Variants in BRIP1 observed in about 807,000 individuals in gnomAD.
The protein encoded by BRIP1 is Fanconi anemia group J protein.
In BRIP1, 88 loss-of-function variants were observed where a neutral mutation model predicts 119.7. That is an observed-to-expected ratio of 0.74 (90% CI 0.62 to 0.88). The LOEUF (loss-of-function observed/expected upper bound fraction) is 0.88. BRIP1 is among the 40% of genes least tolerant of loss of function. BRIP1 has a pLI of 0.00. For synonymous variants in BRIP1, 443 were observed against 496.5 expected, an observed-to-expected ratio of 0.89 and a Z score of 1.43; for missense variants, 1,259 against 1,455.4, an observed-to-expected ratio of 0.87 and a Z score of 2.20.
At chr17:61,785,935 G>GC (rs1320878144) in intron 10 of BRIP1, among the ~76,000 whole-genome samples, 2 of 151,192 alleles carry the variant, frequency 1.3e-5, no homozygotes, top group Non-Finnish European at 2.9e-5. Flanking sequence ...GGTTGGGGGG[G>GC]GTAGAAAAAT....
At position 61,825,622 on chromosome 17, in the gene BRIP1, CAAATAAATAAAT is replaced by C. The variant is rs3034667; in HGVS notation, c.628-16877_628-16866del. Reference sequence around the variant, plus strand: ...AATGCAATCCCATTCACAATTGCCACAAATAAATAAATAAATAAATAAATAAATAAATAAATA... The same window carrying C: ...AATGCAATCCCATTCACAATTGCCACAAATAAATAAATAAATAAATAAATA... On this transcript the variant is annotated intron_variant, in intron 6 of 19. Transcript: ENST00000259008. The surrounding 1 kb of genome is among the most constrained non-coding windows in gnomAD (Gnocchi z 4.1). Among the ~76,000 whole-genome samples, 111 of 143,398 alleles carry C rather than the reference CAAATAAATAAAT, an allele frequency of 7.7e-4. No homozygotes were observed. Among genetic ancestry groups the C allele is most frequent in the Middle Eastern group, 7.1e-3 (2 of 282 alleles). The allele number at this position is 143,398 out of a possible 152,430, so 94.1% of individuals were successfully genotyped here.
In BRIP1 at chr17:61,794,839, A is replaced by C. The variant is rs1343958977; in HGVS notation, c.1341-1110T>G. On this transcript the variant is annotated intron_variant, in intron 9 of 19. Coordinates refer to ENST00000259008, the MANE Select transcript of BRIP1 (RefSeq NM_032043.3). This position sits in a 1 kb window ranked among gnomAD's most constrained non-coding sequence, Gnocchi z 4.3. The stretch of plus-strand genomic sequence containing the variant: ...AGGTGACATTTATTCTAATAACTGA[A>C]TGCAAAAAGTATCCAGTCATGGGAG... 2.8e-5 allele frequency among the ~76,000 whole-genome samples: 4 copies of C among 143,566 alleles called. No individual in the cohort carries two copies. The highest frequency in any genetic ancestry group is 3.0e-5 in the Non-Finnish European group (2 of 66,190). The allele number at this position is 143,566 out of a possible 152,430, so 94.2% of individuals were successfully genotyped here.
In BRIP1 at chr17:61,775,493, G is replaced by A. The variant is rs1006080844; in HGVS notation, c.2097+908C>T. On this transcript the variant is annotated intron_variant, in intron 14 of 19. Transcript: ENST00000259008. The surrounding 1 kb of genome is among the most constrained non-coding windows in gnomAD (Gnocchi z 4.4). ...TCCTGTGGAAAAAAGAGAAGGGAACGCCACTTCTCTACATTGGATTTAGGT... is the reference window on the plus strand; with the variant it reads ...TCCTGTGGAAAAAAGAGAAGGGAACACCACTTCTCTACATTGGATTTAGGT... Among the ~76,000 whole-genome samples the A allele has an allele frequency of 1.3e-5, 2 of 152,126 alleles. No homozygotes were observed. The highest frequency in any genetic ancestry group is 4.8e-5 in the African/African-American group (2 of 41,442).
chr17:61,818,747 T>A lies in BRIP1; in HGVS notation c.628-9990A>T, dbSNP rs570320510. 9.2e-5 allele frequency among the ~76,000 whole-genome samples: 14 copies of A among 152,222 alleles called. No individual in the cohort carries two copies. The South Asian group carries it at 2.7e-3, about 29-fold the overall frequency. On this transcript the variant is annotated intron_variant, in intron 6 of 19. Transcript: ENST00000259008. ...CAGATCACTCCCTTAAAAATCTGAT[T>A]TAAAAATGGGCCAAAAATTTGAATA...
chr17:61,790,343 G>C (rs541748191), intron 10 of BRIP1, among the ~76,000 whole-genome samples: 6 of 152,040 alleles, frequency 3.9e-5, no homozygotes, highest in Non-Finnish European at 7.4e-5. Flanking sequence ...TCAGGAGTTC[G>C]AGGCCAGCCT....
At position 61,831,453 on chromosome 17, in the gene BRIP1, A is replaced by G. The variant is rs993337586; in HGVS notation, c.627+15648T>C. Among the ~76,000 whole-genome samples, 1 of 152,246 alleles carries G rather than the reference A, an allele frequency of 6.6e-6. No individual in the cohort carries two copies. Among genetic ancestry groups the G allele is most frequent in the Admixed American group, 6.5e-5 (1 of 15,286 alleles). Reference sequence around the variant, plus strand: ...TTCTACTTCTATAATAGTAATGAATAACTGGAAGGAAATTATAAGTGGAAT... The same window carrying G: ...TTCTACTTCTATAATAGTAATGAATGACTGGAAGGAAATTATAAGTGGAAT... On this transcript the variant is annotated intron_variant, in intron 6 of 19. Transcript: ENST00000259008. This position sits in a 1 kb window ranked among gnomAD's most constrained non-coding sequence, Gnocchi z 4.1.
chr17:61,697,908 C>G (rs1463627993), intron 17 of BRIP1, among the ~76,000 whole-genome samples: 1 of 152,086 alleles, frequency 6.6e-6, no homozygotes, highest in African/African-American at 2.4e-5. Flanking sequence ...TGGGCTCAAG[C>G]AGTTCTCCTG....
At position 61,808,557 on chromosome 17, in the gene BRIP1, A is replaced by G. The variant is rs2145414744; in HGVS notation, c.828T>C (p.Leu276=). 6.2e-7 allele frequency: 1 copy of G among 1,613,568 alleles called. No individual in the cohort carries two copies. The highest frequency in any genetic ancestry group is 8.5e-7 in the Non-Finnish European group (1 of 1,179,534). ...TAYSGVPMTI[L]SSRDHTCVHP... The stretch of plus-strand genomic sequence containing the variant: ...GGACACAAGTATGATCCCTGCTGGA[A>G]AGAATAGTCATTGGAACCCCTGAAT... Residue 276 remains leucine (L), a synonymous_variant, in exon 7 of 20, where the codon CTT becomes CTC. Transcript: ENST00000259008. The surrounding 1 kb of genome is among the most constrained non-coding windows in gnomAD (Gnocchi z 4.1).
rs2077942345 is a variant in BRIP1 at position 61,798,906 on chromosome 17, T to C, written c.1340+194A>G. 6.6e-6 allele frequency among the ~76,000 whole-genome samples: 1 copy of C among 152,114 alleles called. No individual in the cohort carries two copies. Among genetic ancestry groups the C allele is most frequent in the South Asian group, 2.1e-4 (1 of 4,836 alleles). On this transcript the variant is annotated intron_variant, in intron 9 of 19. Coordinates refer to ENST00000259008, the MANE Select transcript of BRIP1 (RefSeq NM_032043.3). This position sits in a 1 kb window ranked among gnomAD's most constrained non-coding sequence, Gnocchi z 5.5. ...CAATTATTCATTTTTAAAAATCACT[T>C]ATGTTCATTATATTCTTGTGAACAA...
chr17:61,719,453 G>A (rs9897971), intron 16 of BRIP1, among the ~76,000 whole-genome samples: 5,034 of 152,154 alleles, frequency 0.033, 321 homozygotes, highest in African/African-American at 0.12. Context: ...GGCCAGGCAC[G>A]GTGGCTCAGG....
Position 61,686,104 on chromosome 17 carries a change from T to C in BRIP1, c.2637A>G (p.Glu879=), listed in dbSNP as rs4986765. The change falls in exon 19 of 20, where the codon GAA becomes GAG. Residue 879 remains glutamate (E), a synonymous_variant. Transcript: ENST00000259008. The surrounding 1 kb of genome is among the most constrained non-coding windows in gnomAD (Gnocchi z 5.4). ...QHHSTFESAL[E]SLAEFSKKHQ... ...GCTTTTTGGAAAATTCAGCCAAGGATTCCAGTGCACTTTCAAAGGTTGAAT... is the reference window on the plus strand; with the variant it reads ...GCTTTTTGGAAAATTCAGCCAAGGACTCCAGTGCACTTTCAAAGGTTGAAT... 1,108,498 of 1,613,482 alleles carry C rather than the reference T, an allele frequency of 0.69. 386,600 individuals carry two copies. Among genetic ancestry groups the C allele is most frequent in the African/African-American group, 0.91 (68,125 of 74,984 alleles).
At position 61,729,892 on chromosome 17, in the gene BRIP1, T is replaced by C. The variant is rs563436457; in HGVS notation, c.2379+13121A>G. On this transcript the variant is annotated intron_variant, in intron 16 of 19. Coordinates refer to ENST00000259008, the MANE Select transcript of BRIP1 (RefSeq NM_032043.3). The surrounding 1 kb of genome is among the most constrained non-coding windows in gnomAD (Gnocchi z 5.6). ...GGGTGTCTAGATCCCACTACCGGCATCTAGTGGGTAAATGCTAGAGATGCT... is the reference window on the plus strand; with the variant it reads ...GGGTGTCTAGATCCCACTACCGGCACCTAGTGGGTAAATGCTAGAGATGCT... Among the ~76,000 whole-genome samples the C allele has an allele frequency of 4.6e-5, 7 of 152,176 alleles. No individual in the cohort carries two copies. In the East Asian group the frequency reaches 9.7e-4, roughly 21 times the overall value.
At position 61,822,670 on chromosome 17, in the gene BRIP1, C is replaced by T. The variant is rs2078344268; in HGVS notation, c.628-13913G>A. 6.6e-6 allele frequency among the ~76,000 whole-genome samples: 1 copy of T among 151,762 alleles called. No homozygotes were observed. The highest frequency in any genetic ancestry group is 6.6e-5 in the Admixed American group (1 of 15,250). On this transcript the variant is annotated intron_variant, in intron 6 of 19. Transcript: ENST00000259008. The surrounding 1 kb of genome is among the most constrained non-coding windows in gnomAD (Gnocchi z 4.4). ...AGGAGAAAACATAACATGGTTATAGCTAAGGAAAAGAATCAATAGAAAGGA... is the reference window on the plus strand; with the variant it reads ...AGGAGAAAACATAACATGGTTATAGTTAAGGAAAAGAATCAATAGAAAGGA...
Position 61,808,059 on chromosome 17 carries a change from A to G in BRIP1, c.918+408T>C, listed in dbSNP as rs1171123090. Among the ~76,000 whole-genome samples the G allele has an allele frequency of 6.6e-6, 1 of 152,206 alleles. No individual in the cohort carries two copies. Among genetic ancestry groups the G allele is most frequent in the African/African-American group, 2.4e-5 (1 of 41,460 alleles). Reference sequence around the variant, plus strand: ...AATTAAGAAAATTCAAACTTTGCCCAGACAGCCTAAATAAACTATCTGCTT... The same window carrying G: ...AATTAAGAAAATTCAAACTTTGCCCGGACAGCCTAAATAAACTATCTGCTT... On this transcript the variant is annotated intron_variant, in intron 7 of 19. Transcript: ENST00000259008. This position sits in a 1 kb window ranked among gnomAD's most constrained non-coding sequence, Gnocchi z 4.1.
At chr17:61,849,674 T>C (rs948155961) in intron 4 of BRIP1, among the ~76,000 whole-genome samples, 1 of 152,232 alleles carries the variant, frequency 6.6e-6, no homozygotes, top group Non-Finnish European at 1.5e-5. Flanking sequence ...TCATATAATC[T>C]GTCTTTTAAT....
chr17:61,839,308 T>C lies in BRIP1; in HGVS notation c.627+7793A>G, dbSNP rs542693215. 3.3e-5 allele frequency among the ~76,000 whole-genome samples: 5 copies of C among 152,084 alleles called. No homozygotes were observed. The South Asian group carries it at 1.0e-3, about 31-fold the overall frequency. On this transcript the variant is annotated intron_variant, in intron 6 of 19. Transcript: ENST00000259008. The stretch of plus-strand genomic sequence containing the variant: ...AAAACTATACATTTTATAATAATTA[T>C]ATTTCTATTATAAGTACTTATCCTA...
chr17:61,786,505 AT>A (rs1032591508), intron 10 of BRIP1, among the ~76,000 whole-genome samples: 10 of 150,854 alleles, frequency 6.6e-5, no homozygotes, highest in Admixed American at 2.0e-4. Context: ...TCCTAAAAAT[AT>A]TGATAATCAT....
intron 6 of BRIP1, among the ~76,000 whole-genome samples, chr17:61,821,491 TTC>T (rs1385635659): frequency 3.3e-5 from 5 of 149,718 alleles, no homozygotes; most frequent in Admixed American, 2.0e-4. Flanking sequence ...CTCAATTTCA[TTC>T]TCTTTTTTTT....
Position 61,698,996 on chromosome 17 carries a change from C to T in BRIP1, c.2493-5484G>A, listed in dbSNP as rs559399626. Among the ~76,000 whole-genome samples the T allele has an allele frequency of 1.9e-4, 29 of 152,248 alleles. No individual in the cohort carries two copies. In the South Asian group the frequency reaches 5.8e-3, roughly 30 times the overall value. ...CCTCCCAAAGTGCTGGGATTGCAGG[C>T]AGAATGGCACTTTTATCATTATAAA... On this transcript the variant is annotated intron_variant, in intron 17 of 19. Transcript: ENST00000259008.
Sources: gnomAD v4.1 joint callset for allele counts (sites outside exome capture counted in the v4.1 genomes callset) on GRCh38, gnomAD v4.1.1 for gene constraint, Gnocchi (gnomAD v3.1) non-coding constraint, MANE v1.5 for transcripts, NCBI Gene and HGNC (gene_info 2026-07-23, HGNC 2026-07-21) for gene names.